Variants in PRPF18 observed in about 807,000 individuals in gnomAD.
The protein encoded by PRPF18 is pre-mRNA-splicing factor 18.
A neutral mutation model predicts 46.5 loss-of-function variants in PRPF18; 38 were observed. That is an observed-to-expected ratio of 0.82 (90% confidence interval 0.63 to 1.07). The LOEUF (loss-of-function observed/expected upper bound fraction) is 1.07. Among genes scored for constraint, PRPF18 ranks in the 50% least tolerant of loss-of-function variants. The probability of loss-of-function intolerance (pLI) is 0.00; values close to 1 mark genes in which losing one functional copy is unlikely to be tolerated. For synonymous variants in PRPF18, 152 were observed against 146.7 expected, an observed-to-expected ratio of 1.04 and a Z score of -0.26; for missense variants, 263 against 410.0, an observed-to-expected ratio of 0.64 and a Z score of 3.10.
chr10:13,610,125 G>A lies in PRPF18; in HGVS notation c.450G>A (p.Glu150=). 6.2e-7 allele frequency: 1 copy of A among 1,614,064 alleles called. No individual in the cohort carries two copies. The highest frequency in any genetic ancestry group is 8.5e-7 in the Non-Finnish European group (1 of 1,179,950). Residue 150 remains glutamate (E), a synonymous_variant, in exon 5 of 10, where the codon GAG becomes GAA. Coordinates refer to ENST00000378572, the MANE Select transcript of PRPF18 (RefSeq NM_003675.4). ...TCGTCGGCGGTCAGGAGCCTGGAGA[G>A]GAAGACACACAGAATGATCTGAAAG... The part of the protein sequence containing the change: ...NEIVGGQEPG[E]EDTQNDLKVH...
chr10:13,600,919 G>C (rs999761952), intron 3 of PRPF18, among the ~76,000 whole-genome samples: 1 of 152,142 alleles, frequency 6.6e-6, no homozygotes, highest in Admixed American at 6.5e-5. Flanking sequence ...TGGGATTACA[G>C]GCGTGTGCCA....
intron 6 of PRPF18, among the ~76,000 whole-genome samples, chr10:13,612,622 CTTTTTTTTTTTT>C (rs61113168): frequency 5.3e-5 from 4 of 76,130 alleles, no homozygotes; most frequent in Admixed American, 1.7e-4. Context: ...AGGGTTCTAG[CTTTTTTTTTTTT>C]TTTTTTTTTT....
At position 13,614,046 on chromosome 10, in the gene PRPF18, C is replaced by T. The variant is rs1022619668; in HGVS notation, c.752C>T (p.Thr251Met). 4 of 1,587,864 alleles carry T rather than the reference C, an allele frequency of 2.5e-6. No homozygotes were observed. Among genetic ancestry groups the T allele is most frequent in the African/African-American group, 1.4e-5 (1 of 73,586 alleles). Residue 251 changes from threonine (T) to methionine (M), a missense_variant, in exon 8 of 10, where the codon ACG (threonine) becomes ATG (methionine). By Grantham distance (81) the Thr-to-Met change is moderately conservative. Transcript: ENST00000378572. ...CCTGCTGATATTAAAGAATCAATAACGGATATTATTAAATTCATGTTGCAG... is the reference window on the plus strand; with the variant it reads ...CCTGCTGATATTAAAGAATCAATAATGGATATTATTAAATTCATGTTGCAG... Reference protein sequence around the residue: ...NLPADIKESITDIIKFMLQRE... With the variant: ...NLPADIKESIMDIIKFMLQRE...
At chr10:13,650,935 CATTT>C in the PRPF18 span, 1 of 150,758 alleles carries the variant, frequency 6.6e-6, no homozygotes, top group East Asian at 1.9e-4. Context: ...CTCAGCATTG[CATTT>C]TGTTTCTAAG....
intron 9 of PRPF18, among the ~76,000 whole-genome samples, chr10:13,627,062 A>G (rs117536628): frequency 0.013 from 1,916 of 152,194 alleles, 10 homozygotes; most frequent in Middle Eastern, 0.031. Flanking sequence ...TCTTAGCAGC[A>G]TTCCCCAGAC....
downstream of PRPF18, among the ~76,000 whole-genome samples, chr10:13,635,581 T>C (rs1316907708): frequency 6.6e-6 from 1 of 152,226 alleles, no homozygotes; most frequent in Non-Finnish European, 1.5e-5. Context: ...TTTTTGATAA[T>C]AGCCATTCTG....
At chr10:13,623,111 G>A (rs1397032384) in intron 9 of PRPF18, among the ~76,000 whole-genome samples, 1 of 152,096 alleles carries the variant, frequency 6.6e-6, no homozygotes. Flanking sequence ...TGAGGCAGGA[G>A]AATGGCATGA....
intron 1 of PRPF18, 143 bp downstream of exon 1, chr10:13,587,295 C>T: frequency 1.2e-6 from 1 of 832,946 alleles, no homozygotes; most frequent in Non-Finnish European, 2.0e-6. Flanking sequence ...CTGGTAGGCC[C>T]CCTTAGATCC....
downstream of PRPF18, among the ~76,000 whole-genome samples, chr10:13,633,014 G>T (rs2080603910): frequency 2.0e-5 from 3 of 152,206 alleles, no homozygotes; most frequent in South Asian, 6.2e-4. Flanking sequence ...TTTCCTAGGA[G>T]TGTCATTGCC....
At chr10:13,613,673 A>G in intron 6 of PRPF18, 68 bp from the exon 7 acceptor site, 2 of 1,484,702 alleles carry the variant, frequency 1.3e-6, no homozygotes, top group Non-Finnish European at 1.8e-6. Flanking sequence ...TTTGTGTGCT[A>G]GAGAGCATTT....
intron 9 of PRPF18, 71 bp downstream of exon 9, chr10:13,616,624 G>T: frequency 6.4e-7 from 1 of 1,562,136 alleles, no homozygotes. Context: ...TCTAAGTCTG[G>T]AAAGCAGGCA....
Position 13,599,884 on chromosome 10 carries a change from G to A in PRPF18, c.145-360G>A, listed in dbSNP as rs150309667. ...ATAACCCTGCAAGACAATTTAAAGA[G>A]GAAGAGCAAGTTGCTGGTTTTTAAG... On this transcript the variant is annotated intron_variant, in intron 2 of 9. Coordinates refer to ENST00000378572, the MANE Select transcript of PRPF18 (RefSeq NM_003675.4). Among the ~76,000 whole-genome samples the A allele has an allele frequency of 3.6e-3, 548 of 152,312 alleles. 3 individuals carry two copies. Among genetic ancestry groups the A allele is most frequent in the African/African-American group, 0.012 (499 of 41,554 alleles).
At chr10:13,612,323 A>C (rs1460384571) in intron 6 of PRPF18, among the ~76,000 whole-genome samples, 7 of 152,058 alleles carry the variant, frequency 4.6e-5, no homozygotes, top group African/African-American at 1.4e-4. Context: ...CCCAGGCTGG[A>C]ATGCAGTGGC....
intron 9 of PRPF18, among the ~76,000 whole-genome samples, chr10:13,625,550 G>T (rs1242273041): frequency 6.6e-6 from 1 of 152,134 alleles, no homozygotes; most frequent in African/African-American, 2.4e-5. Context: ...GAAAAGGGAA[G>T]ATAGGAAATA....
chr10:13,647,663 A>T, the PRPF18 span: 9 of 151,952 alleles, frequency 5.9e-5, 1 homozygote, highest in African/African-American at 1.7e-4. Flanking sequence ...TCTAAATAAC[A>T]TGCATTGTTT....
chr10:13,606,990 C>T (rs1459973814), intron 4 of PRPF18, among the ~76,000 whole-genome samples: 1 of 152,116 alleles, frequency 6.6e-6, no homozygotes, highest in Non-Finnish European at 1.5e-5. Context: ...CTGGTAGTAG[C>T]TCTTTGCGGC....
At chr10:13,645,840 G>C in the PRPF18 span, 1 of 152,600 alleles carries the variant, frequency 6.6e-6, no homozygotes, top group East Asian at 1.9e-4. Flanking sequence ...TGAATGGATC[G>C]CAATGTGCTT....
chr10:13,641,691 A>G, the PRPF18 span: 1 of 152,236 alleles, frequency 6.6e-6, no homozygotes, highest in African/African-American at 2.4e-5. Flanking sequence ...CAGTGAAGAA[A>G]GTGTTTCAAT....
the PRPF18 span, among the ~76,000 whole-genome samples, chr10:13,650,650 TCCTTCCAAAG>T: frequency 6.6e-6 from 1 of 152,194 alleles, no homozygotes; most frequent in Admixed American, 6.5e-5. Flanking sequence ...GGGTCTACCT[TCCTTCCAAAG>T]CCTAAGTCCC....
Sources: gnomAD v4.1 joint callset for allele counts (sites outside exome capture counted in the v4.1 genomes callset) on GRCh38, gnomAD v4.1.1 for gene constraint, MANE v1.5 for transcripts, NCBI Gene and HGNC (gene_info 2026-07-23, HGNC 2026-07-21) for gene names.